Variants in ZBTB11 observed in about 807,000 individuals in gnomAD.
ZBTB11 encodes the protein zinc finger and BTB domain containing 11, also known as zinc finger and BTB domain-containing protein 11.
In ZBTB11, 68 loss-of-function variants were observed where a neutral mutation model predicts 113.1. That is an observed-to-expected ratio of 0.60 (90% CI 0.49 to 0.74). The LOEUF (loss-of-function observed/expected upper bound fraction) is 0.74, where lower values mean the gene tolerates loss of function less well. ZBTB11 is among the 30% of genes least tolerant of loss of function. The probability of loss-of-function intolerance (pLI) is 0.00; values close to 1 mark genes in which losing one functional copy is unlikely to be tolerated. For missense variants in ZBTB11, 1,104 were observed against 1,279.4 expected, an observed-to-expected ratio of 0.86 and a Z score of 2.09; for synonymous variants, 518 against 452.6, an observed-to-expected ratio of 1.14 and a Z score of -1.83.
rs1306180119 is a variant in ZBTB11 at position 101,651,302 on chromosome 3, G to C, written c.3026C>G (p.Ser1009Cys). ...VAATEEYPSV[S>C]TLSDQSIMQV... ...CATAATACTTTGGTCAGAAAGTGTA[G>C]ATACCGATGGATACTCTTCAGTAGC... The change falls in exon 11 of 11, where the codon TCT becomes TGT. Residue 1009 changes from serine (S) to cysteine (C), a missense_variant. By Grantham distance (112) the Ser-to-Cys change is moderately radical. Around this residue, in one of 5 missense-constraint regions of ZBTB11, gnomAD observed 90 missense variants for 98.0 expected, o/e 0.92. Transcript: ENST00000312938. 6.2e-7 allele frequency: 1 copy of C among 1,614,180 alleles called. No homozygotes were observed. Among genetic ancestry groups the C allele is most frequent in the Non-Finnish European group, 8.5e-7 (1 of 1,180,042 alleles).
intron 1 of ZBTB11, among the ~76,000 whole-genome samples, chr3:101,675,197 G>T (rs758768761): frequency 2.0e-5 from 3 of 152,316 alleles, no homozygotes; most frequent in Non-Finnish European, 4.4e-5. Context: ...AACAAATCCT[G>T]AAGTATTAAA....
rs1188332003 is a variant in ZBTB11, at chr3:101,677,093, G to A, written c.-179C>T. The A allele has an allele frequency of 9.1e-6, 6 of 657,054 alleles. No individual in the cohort carries two copies. Among genetic ancestry groups the A allele is most frequent in the Admixed American group, 7.3e-5 (2 of 27,440 alleles). 40.7% of individuals were successfully genotyped at this position (657,054 alleles called of 1,614,324 possible). A position where few individuals can be genotyped will look rare whatever the true frequency, so the allele number is the denominator to read the frequency against. On this transcript the variant is annotated 5_prime_UTR_variant, in exon 1 of 11. Coordinates refer to ENST00000312938, the MANE Select transcript of ZBTB11 (RefSeq NM_014415.4). ...AAAGCGGGCGAGTTGGTAACCAGGG[G>A]GAACTGCACTTCTCCAGCGCGCGGG...
chr3:101,663,497 C>T (rs1277273413), intron 5 of ZBTB11, among the ~76,000 whole-genome samples: 1 of 152,176 alleles, frequency 6.6e-6, no homozygotes, highest in Non-Finnish European at 1.5e-5. Flanking sequence ...TTGTTGTCAA[C>T]CATGAGCTTT....
chr3:101,671,850 C>T, intron 2 of ZBTB11, 128 bp downstream of exon 2: 1 of 732,054 alleles, frequency 1.4e-6, no homozygotes, highest in Admixed American at 2.1e-5. Flanking sequence ...GCTTATATAA[C>T]ACAGTACACT....
At chr3:101,660,628 TGTAA>T (rs1433360563) in intron 5 of ZBTB11, among the ~76,000 whole-genome samples, 2 of 152,204 alleles carry the variant, frequency 1.3e-5, no homozygotes, top group African/African-American at 4.8e-5. Flanking sequence ...TGTAACTCTA[TGTAA>T]CACACATAAT....
At chr3:101,671,874 A>C in intron 2 of ZBTB11, 104 bp downstream of exon 2, 1 of 844,290 alleles carries the variant, frequency 1.2e-6, no homozygotes. Flanking sequence ...ATTTTGTCTT[A>C]TTCAATAAGC....
chr3:101,674,104 G>A (rs1177655040), intron 1 of ZBTB11, among the ~76,000 whole-genome samples: 1 of 150,694 alleles, frequency 6.6e-6, no homozygotes, highest in Non-Finnish European at 1.5e-5. Context: ...GGGAGGCTGA[G>A]GTGGGCGGAT....
Position 101,651,438 on chromosome 3 carries a change from C to T in ZBTB11, c.2890G>A (p.Ala964Thr). ...ATGCCTGCTGTTAAGATGCTAACAG[C>T]ATGTGCCACTTGAGTTCCTTGGTTA... ...FHNQGTQVAHAVSILTAGMQE... is the reference protein window; with the variant it reads ...FHNQGTQVAHTVSILTAGMQE... Residue 964 changes from alanine to threonine, a missense_variant, in exon 11 of 11, where the codon GCT becomes ACT. This residue lies in a region of ZBTB11 where 148 missense variants were observed against 259.3 expected (regional missense o/e 0.57). Transcript: ENST00000312938. 1 of 1,614,192 alleles carries T rather than the reference C, an allele frequency of 6.2e-7. No homozygotes were observed. Among genetic ancestry groups the T allele is most frequent in the Non-Finnish European group, 8.5e-7 (1 of 1,180,040 alleles).
At chr3:101,654,851 T>C in intron 7 of ZBTB11, 30 bp from the exon 8 acceptor site, 4 of 1,567,846 alleles carry the variant, frequency 2.6e-6, no homozygotes, top group Non-Finnish European at 3.5e-6. Flanking sequence ...CCCTGTCACA[T>C]ATCCAGCAAT....
chr3:101,674,111 G>A (rs1173535918), intron 1 of ZBTB11, among the ~76,000 whole-genome samples: 3 of 151,216 alleles, frequency 2.0e-5, no homozygotes, highest in South Asian at 2.1e-4. Context: ...TGAGGTGGGC[G>A]GATCATTTGA....
At chr3:101,670,098 G>C (rs977987067) in intron 3 of ZBTB11, among the ~76,000 whole-genome samples, 2 of 152,180 alleles carry the variant, frequency 1.3e-5, no homozygotes, top group African/African-American at 4.8e-5. Flanking sequence ...AAAGTGCTGG[G>C]ATTACAGGCA....
At position 101,650,209 on chromosome 3, in the gene ZBTB11, A is replaced by G. The variant is rs945189369; in HGVS notation, c.*957T>C. The G allele has an allele frequency of 5.9e-5, 9 of 152,212 alleles. No homozygotes were observed. The highest frequency in any genetic ancestry group is 2.2e-4 in the African/African-American group (9 of 41,472). The allele number at this position is 152,212 out of a possible 1,614,324, so 9.4% of individuals were successfully genotyped here. ...CCACAGAGCTGCTGTGAATGTCTAT[A>G]TTGCTATCTGATTTCTCAACTGCAG... On this transcript the variant is annotated 3_prime_UTR_variant, in exon 11 of 11. Coordinates refer to ENST00000312938, the MANE Select transcript of ZBTB11 (RefSeq NM_014415.4).
chr3:101,664,853 C>T, intron 4 of ZBTB11, 111 bp downstream of exon 4: 1 of 1,492,226 alleles, frequency 6.7e-7, no homozygotes, highest in Non-Finnish European at 9.0e-7. Flanking sequence ...AAGTTGCTAC[C>T]TTGTACCCAT....
chr3:101,670,538 G>A (rs1051077374), intron 3 of ZBTB11: 4 of 152,058 alleles, frequency 2.6e-5, no homozygotes, highest in Non-Finnish European at 5.9e-5. Context: ...TAAACTCTAA[G>A]GATTAATCTT....
At position 101,676,660 on chromosome 3, in the gene ZBTB11, A is replaced by G; in HGVS notation, c.255T>C (p.Thr85=). 6.3e-7 allele frequency: 1 copy of G among 1,583,866 alleles called. No homozygotes were observed. The highest frequency in any genetic ancestry group is 8.6e-7 in the Non-Finnish European group (1 of 1,163,314). Residue 85 remains threonine (T), a synonymous_variant, in exon 1 of 11, where the codon ACT becomes ACC. Transcript: ENST00000312938. Reference sequence around the variant, plus strand: ...GCCAGGTCTGATGCCGGGTGTGGTGAGTGCCGCCGGGACCCAGGTGCGCCG... The same window carrying G: ...GCCAGGTCTGATGCCGGGTGTGGTGGGTGCCGCCGGGACCCAGGTGCGCCG... ...IEAAHLGPGG[T]HHTRHQTWHY...
chr3:101,669,917 C>T (rs1384619728), intron 3 of ZBTB11, among the ~76,000 whole-genome samples: 2 of 152,040 alleles, frequency 1.3e-5, no homozygotes, highest in African/African-American at 4.8e-5. Flanking sequence ...CAACGTCCAC[C>T]TCCCAGGTTC....
chr3:101,659,724 G>T, intron 6 of ZBTB11, 59 bp downstream of exon 6: 6 of 1,585,418 alleles, frequency 3.8e-6, no homozygotes, highest in South Asian at 2.3e-5. Flanking sequence ...CAGTCTCTTT[G>T]GCACACATAG....
Position 101,666,767 on chromosome 3 carries a change from T to C in ZBTB11, c.779-959A>G, listed in dbSNP as rs74521219. On this transcript the variant is annotated intron_variant, in intron 3 of 10. Coordinates refer to ENST00000312938, the MANE Select transcript of ZBTB11 (RefSeq NM_014415.4). ...TTATTTATTTATTTTTGTTTATTTT[T>C]TGAGATGGAGTCTTGCTCTGTGGCC... is the stretch of plus-strand genomic sequence containing the variant. Among the ~76,000 whole-genome samples the C allele has an allele frequency of 7.3e-4, 111 of 152,298 alleles. No individual in the cohort carries two copies. The East Asian group carries it at 0.018, about 24-fold the overall frequency.
Position 101,651,714 on chromosome 3 carries a change from T to G in ZBTB11, c.2645-31A>C, listed in dbSNP as rs760909603. 6.0e-6 allele frequency: 9 copies of G among 1,496,466 alleles called. No individual in the cohort carries two copies. The South Asian group carries it at 1.2e-4, about 21-fold the overall frequency. 92.7% of individuals were successfully genotyped at this position (1,496,466 alleles called of 1,614,324 possible). ...AAAAAAAAAAAAAAAGCATGTGTAG[T>G]GAGGTGCAAGCACCAAAATATACTT... On this transcript the variant is annotated intron_variant, in intron 10 of 10. Coordinates refer to ENST00000312938, the MANE Select transcript of ZBTB11 (RefSeq NM_014415.4).
Sources: gnomAD v4.1 joint callset for allele counts (sites outside exome capture counted in the v4.1 genomes callset) on GRCh38, gnomAD v4.1.1 for gene constraint, gnomAD v4.1.1 regional missense constraint, MANE v1.5 for transcripts, NCBI Gene and HGNC (gene_info 2026-07-23, HGNC 2026-07-21) for gene names.